Variants in C4orf51 observed in about 807,000 individuals in gnomAD.
The protein encoded by C4orf51 is chromosome 4 open reading frame 51.
In C4orf51, 25 loss-of-function variants were observed where a neutral mutation model predicts 25.2. The observed-to-expected ratio is 0.99, with a 90% CI of 0.72 to 1.39. The LOEUF is 1.39. Among genes scored for constraint, C4orf51 ranks in the 40% most tolerant of loss-of-function variants. The pLI is 0.00. For synonymous variants in C4orf51, 100 were observed against 84.5 expected (o/e 1.18, Z -1.01); for missense variants, 252 against 239.6 (o/e 1.05, Z -0.34).
chr4:145,760,720 GTTTTTT>G (rs10715391), intron 1 of C4orf51: 6 of 706,222 alleles, frequency 8.5e-6, no homozygotes, highest in South Asian at 4.6e-5. Context: ...AAGTTTTGTG[GTTTTTT>G]TTTTTTTTTT....
At chr4:145,708,443 A>C (rs1370285695) in intron 2 of C4orf51, among the ~76,000 whole-genome samples, 1 of 152,210 alleles carries the variant, frequency 6.6e-6, no homozygotes, top group Non-Finnish European at 1.5e-5. Flanking sequence ...GTCTGTGAAG[A>C]GAGGACAGAG....
intron 2 of C4orf51, among the ~76,000 whole-genome samples, chr4:145,698,814 T>C (rs1730244885): frequency 6.6e-6 from 1 of 152,204 alleles, no homozygotes; most frequent in Non-Finnish European, 1.5e-5. Context: ...ATTTTGGATA[T>C]TAACTCCTTG....
At chr4:145,774,219 T>C (rs1736691655), downstream of C4orf51, among the ~76,000 whole-genome samples, 1 of 152,078 alleles carries the variant, frequency 6.6e-6, no homozygotes, top group East Asian at 1.9e-4. Context: ...GACTGTCACA[T>C]ATGGTGATGA....
chr4:145,681,224 G>A (rs1728822362), intron 1 of C4orf51, among the ~76,000 whole-genome samples: 1 of 152,058 alleles, frequency 6.6e-6, no homozygotes, highest in Non-Finnish European at 1.5e-5. Context: ...TATATTAATT[G>A]GTAAATATTT....
Position 145,765,888 on chromosome 4 carries a change from C to T in C4orf51, n.167-5100C>T. On this transcript the variant is annotated intron_variant and non_coding_transcript_variant, in intron 1 of 1. Transcript: ENST00000510096. The surrounding 1 kb of genome is among the most constrained non-coding windows in gnomAD (Gnocchi z 4.7). Reference sequence around the variant, plus strand: ...CAGCTCCCCCACTGCTGGGGGATCCCAGGTCCTAAGGCACCTACCTCCTTT... The same window carrying T: ...CAGCTCCCCCACTGCTGGGGGATCCTAGGTCCTAAGGCACCTACCTCCTTT... 1.3e-6 allele frequency: 1 copy of T among 741,906 alleles called. No individual in the cohort carries two copies. The highest frequency in any genetic ancestry group is 2.1e-6 in the Non-Finnish European group (1 of 476,014). 46.0% of individuals were successfully genotyped at this position (741,906 alleles called of 1,614,324 possible). A position where few individuals can be genotyped will look rare whatever the true frequency, so the allele number is the denominator to read the frequency against.
chr4:145,753,160 G>A (rs192934016), intron 1 of C4orf51, among the ~76,000 whole-genome samples: 268 of 149,016 alleles, frequency 1.8e-3, no homozygotes, highest in African/African-American at 6.7e-3. Flanking sequence ...GTGTGTGTGT[G>A]TGTGTGTGTG....
intron 1 of C4orf51, among the ~76,000 whole-genome samples, chr4:145,744,448 C>T (rs1056142703): frequency 2.0e-5 from 3 of 152,170 alleles, no homozygotes; most frequent in Non-Finnish European, 4.4e-5. Flanking sequence ...GAAATTATTA[C>T]TCTGCCCATT....
chr4:145,768,916 T>TATATAAATATATATATATAAAA (rs34051922), intron 1 of C4orf51, among the ~76,000 whole-genome samples: 1 of 34,416 alleles, frequency 2.9e-5, no homozygotes, highest in African/African-American at 1.0e-4. Flanking sequence ...TATATATATA[T>TATATAAATATATATATATAAAA]TAGGTATACA....
At chr4:145,706,861 G>C (rs1439039661) in intron 2 of C4orf51, among the ~76,000 whole-genome samples, 1 of 144,890 alleles carries the variant, frequency 6.9e-6, no homozygotes, top group Non-Finnish European at 1.5e-5. Flanking sequence ...GCCCAGGCTA[G>C]AGTGCAGTGG....
chr4:145,753,366 G>A (rs1181481448), intron 1 of C4orf51, among the ~76,000 whole-genome samples: 1 of 151,898 alleles, frequency 6.6e-6, no homozygotes, highest in Non-Finnish European at 1.5e-5. Context: ...TCTTTATTAT[G>A]TATGTACCTA....
At chr4:145,779,714 A>G in the C4orf51 span, among the ~76,000 whole-genome samples, 2 of 152,216 alleles carry the variant, frequency 1.3e-5, no homozygotes, top group East Asian at 3.9e-4. Context: ...GTGGATTCCG[A>G]CCCCTGTCAA....
intron 2 of C4orf51, among the ~76,000 whole-genome samples, chr4:145,721,409 G>A (rs1211441612): frequency 1.3e-5 from 2 of 151,008 alleles, no homozygotes; most frequent in African/African-American, 4.9e-5. Context: ...TAAACACTTT[G>A]CCTGGAATTG....
intron 1 of C4orf51, among the ~76,000 whole-genome samples, chr4:145,685,966 T>C: frequency 6.6e-6 from 1 of 152,160 alleles, no homozygotes; most frequent in African/African-American, 2.4e-5. Flanking sequence ...ATACATAAAG[T>C]ATGATAAATA....
intron 1 of C4orf51, among the ~76,000 whole-genome samples, chr4:145,748,471 C>T (rs959793465): frequency 6.6e-6 from 1 of 151,820 alleles, no homozygotes; most frequent in Non-Finnish European, 1.5e-5. Flanking sequence ...CTTTAATATA[C>T]ATCATTTGGT....
At chr4:145,726,449 C>T (rs1732062383) in intron 2 of C4orf51, among the ~76,000 whole-genome samples, 1 of 152,128 alleles carries the variant, frequency 6.6e-6, no homozygotes, top group Non-Finnish European at 1.5e-5. Context: ...GTTGCCCAGG[C>T]TAGAGTGCAG....
chr4:145,728,297 C>G (rs1002228985), intron 3 of C4orf51, among the ~76,000 whole-genome samples: 1 of 151,850 alleles, frequency 6.6e-6, no homozygotes, highest in African/African-American at 2.4e-5. Context: ...TTTCCTATAT[C>G]CTCTCTAACA....
chr4:145,684,851 G>A (rs533407558), intron 1 of C4orf51, among the ~76,000 whole-genome samples: 79 of 152,242 alleles, frequency 5.2e-4, no homozygotes, highest in Admixed American at 1.0e-3. Flanking sequence ...CAGAAGGCAG[G>A]AAGTACTATT....
chr4:145,719,132 G>A (rs1731577511), intron 2 of C4orf51, among the ~76,000 whole-genome samples: 1 of 152,156 alleles, frequency 6.6e-6, no homozygotes, highest in South Asian at 2.1e-4. Context: ...ACTTGGCACA[G>A]GGCATCACAC....
chr4:145,700,612 T>A (rs966745890), intron 2 of C4orf51, among the ~76,000 whole-genome samples: 2 of 152,174 alleles, frequency 1.3e-5, no homozygotes, highest in Non-Finnish European at 2.9e-5. Flanking sequence ...AGGCAAATGG[T>A]CTGAGGTGCC....
Sources: allele counts gnomAD v4.1 joint callset (sites outside exome capture counted in the v4.1 genomes callset), GRCh38; gene constraint gnomAD v4.1.1; non-coding constraint Gnocchi (gnomAD v3.1); transcripts MANE v1.5; gene names NCBI Gene and HGNC (gene_info 2026-07-23, HGNC 2026-07-21).